The following REPS2 variants were observed in gnomAD, a reference collection of about 807,000 sequenced individuals.
REPS2 encodes ralBP1-associated Eps domain-containing protein 2.
A neutral mutation model predicts 53.6 loss-of-function variants in REPS2; 23 were observed. The ratio of observed to expected loss-of-function variants is 0.43; its 90% CI spans 0.31 to 0.61. REPS2 has a LOEUF of 0.61. Ranked by LOEUF, REPS2 falls within the 20% of genes least tolerant of loss-of-function variation. The pLI is 0.11. For synonymous variants in REPS2, 238 were observed against 218.6 expected, an observed-to-expected ratio of 1.09 and a Z score of -0.78; for missense variants, 446 against 534.9, an observed-to-expected ratio of 0.83 and a Z score of 1.64.
At chrX:17,056,003 TAAAAAAACAAACAAACAAAAA>T (rs1278988536) in intron 8 of REPS2, among the ~76,000 whole-genome samples, 2 of 108,728 alleles carry the variant, frequency 1.8e-5, no homozygotes, top group Non-Finnish European at 3.8e-5. Flanking sequence ...AAATAAAAAA[TAAAAAAACAAACAAACAAAAA>T]AAAAAAACAA....
the REPS2 span, among the ~76,000 whole-genome samples, chrX:17,195,078 G>A: frequency 8.9e-6 from 1 of 112,223 alleles, no homozygotes; most frequent in South Asian, 3.8e-4. Flanking sequence ...ATGTGGTTGT[G>A]AGGGAGGGAG....
intron 14 of REPS2, among the ~76,000 whole-genome samples, chrX:17,124,335 A>C (rs1322199908): frequency 8.9e-6 from 1 of 112,420 alleles, no homozygotes; most frequent in Non-Finnish European, 1.9e-5. Flanking sequence ...ATAGGGAAGC[A>C]AGACAGATCC....
intron 1 of REPS2, among the ~76,000 whole-genome samples, chrX:16,972,586 A>G (rs1241050756): frequency 9.0e-6 from 1 of 111,631 alleles, no homozygotes; most frequent in Non-Finnish European, 1.9e-5. Flanking sequence ...CTATTGTATA[A>G]ATTAACCTTC....
At chrX:16,972,413 A>G (rs771980823) in intron 1 of REPS2, among the ~76,000 whole-genome samples, 1 of 112,327 alleles carries the variant, frequency 8.9e-6, no homozygotes, top group Non-Finnish European at 1.9e-5. Context: ...AGCTCCTTTA[A>G]TAAGCCTGAG....
intron 17 of REPS2, among the ~76,000 whole-genome samples, chrX:17,143,663 T>C (rs1333814854): frequency 9.0e-6 from 1 of 111,534 alleles, no homozygotes; most frequent in Non-Finnish European, 1.9e-5. Flanking sequence ...TTTTCTTCTT[T>C]ATTTTTGTCT....
At chrX:17,119,867 A>ATT (rs2063116509) in intron 14 of REPS2, among the ~76,000 whole-genome samples, 1 of 52,309 alleles carries the variant, frequency 1.9e-5, no homozygotes, top group Non-Finnish European at 3.3e-5. Context: ...TCGCACTGTG[A>ATT]CTTTTTTTTT....
intron 7 of REPS2, among the ~76,000 whole-genome samples, chrX:17,052,868 G>A (rs1258553630): frequency 9.0e-6 from 1 of 111,583 alleles, no homozygotes; most frequent in Non-Finnish European, 1.9e-5. Flanking sequence ...GGAATATTTT[G>A]GAGTTAGGTT....
chrX:17,113,067 G>A (rs113249171), intron 14 of REPS2, among the ~76,000 whole-genome samples: 1,661 of 80,104 alleles, frequency 0.021, 60 homozygotes, highest in African/African-American at 0.079. Context: ...ACTCCAGCCC[G>A]GGCGACAGAG....
At chrX:17,010,559 A>C (rs970501677) in intron 2 of REPS2, among the ~76,000 whole-genome samples, 1 of 111,584 alleles carries the variant, frequency 9.0e-6, no homozygotes, top group African/African-American at 3.3e-5. Context: ...AATATTCCTT[A>C]CAGGTTTCAC....
At chrX:17,039,867 T>A (rs2061809863) in intron 5 of REPS2, among the ~76,000 whole-genome samples, 2 of 112,602 alleles carry the variant, frequency 1.8e-5, no homozygotes, top group Non-Finnish European at 3.7e-5. Flanking sequence ...ATTAGGTACT[T>A]ACAGTGCCTG....
intron 4 of REPS2, among the ~76,000 whole-genome samples, chrX:17,028,446 TTGC>T (rs2061673144): frequency 8.9e-6 from 1 of 112,638 alleles, no homozygotes; most frequent in East Asian, 2.8e-4. Context: ...TATGTATGTT[TTGC>T]AGTTTTTATA....
At chrX:17,040,767 A>G (rs778767652) in intron 5 of REPS2, among the ~76,000 whole-genome samples, 3 of 112,301 alleles carry the variant, frequency 2.7e-5, no homozygotes, top group Non-Finnish European at 5.6e-5. Flanking sequence ...AAAGACTACT[A>G]TAAAAATGAA....
the REPS2 span, among the ~76,000 whole-genome samples, chrX:17,187,700 A>G: frequency 8.9e-6 from 1 of 111,949 alleles, no homozygotes; most frequent in Non-Finnish European, 1.9e-5. Context: ...AGGCCTACAG[A>G]ACCCATACCC....
At chrX:17,004,948 T>A (rs1407186935) in intron 1 of REPS2, among the ~76,000 whole-genome samples, 2 of 111,017 alleles carry the variant, frequency 1.8e-5, no homozygotes, top group Admixed American at 1.9e-4. Flanking sequence ...CGATCTTCCT[T>A]GAGGCCTCCC....
the REPS2 span, among the ~76,000 whole-genome samples, chrX:17,176,355 G>A: frequency 4.5e-5 from 5 of 111,355 alleles, no homozygotes; most frequent in Admixed American, 4.8e-4. Flanking sequence ...GTAATTGATG[G>A]CTTCCGAAGC....
chrX:16,993,763 T>C (rs2061190960), intron 1 of REPS2, among the ~76,000 whole-genome samples: 1 of 112,493 alleles, frequency 8.9e-6, no homozygotes, highest in Non-Finnish European at 1.9e-5. Context: ...TAGTAGATAA[T>C]TGATACAGCC....
At chrX:17,166,428 T>C in the REPS2 span, among the ~76,000 whole-genome samples, 1 of 112,172 alleles carries the variant, frequency 8.9e-6, no homozygotes, top group Admixed American at 9.4e-5. Flanking sequence ...CAGAACATTA[T>C]GTTGGGTTTT....
intron 1 of REPS2, among the ~76,000 whole-genome samples, chrX:16,960,521 C>G (rs1394036215): frequency 1.8e-5 from 2 of 112,026 alleles, no homozygotes; most frequent in Non-Finnish European, 3.8e-5. Flanking sequence ...ATGTAGAGTC[C>G]ACAGCTAATA....
chrX:17,076,983 C>T (rs996881748), intron 12 of REPS2, among the ~76,000 whole-genome samples: 1 of 111,998 alleles, frequency 8.9e-6, no homozygotes, highest in Non-Finnish European at 1.9e-5. Flanking sequence ...TTCTTATTAA[C>T]AATTCCAATA....
Sources: allele counts gnomAD v4.1 joint callset (sites outside exome capture counted in the v4.1 genomes callset), GRCh38; gene constraint gnomAD v4.1.1; transcripts MANE v1.5; gene names NCBI Gene and HGNC (gene_info 2026-07-23, HGNC 2026-07-21).